The following FAAH2 variants were observed in gnomAD, a reference collection of about 807,000 sequenced individuals.
FAAH2 encodes the protein fatty acid amide hydrolase 2.
In FAAH2, 60 loss-of-function variants were observed where a neutral mutation model predicts 36.9. The ratio of observed to expected loss-of-function variants is 1.63; its 90% CI spans 1.32 to 2.02. FAAH2 has a LOEUF of 2.02. Ranked by LOEUF, FAAH2 falls within the 30% of genes most tolerant of loss-of-function variation. The pLI is 0.00. For synonymous variants in FAAH2, 214 were observed against 143.8 expected, an observed-to-expected ratio of 1.49 and a Z score of -3.49; for missense variants, 689 against 397.5, an observed-to-expected ratio of 1.73 and a Z score of -6.23.
At chrX:57,125,855 G>T in the FAAH2 span, among the ~76,000 whole-genome samples, 8 of 111,721 alleles carry the variant, frequency 7.2e-5, no homozygotes, top group South Asian at 3.0e-3. Context: ...TCATACCTCA[G>T]TAGTGGTTTG....
At chrX:57,440,501 G>A (rs1437683762) in intron 8 of FAAH2, among the ~76,000 whole-genome samples, 3 of 111,520 alleles carry the variant, frequency 2.7e-5, no homozygotes, top group Non-Finnish European at 5.6e-5. Context: ...GAGATTTTGG[G>A]CTGATAGGAT....
At chrX:57,441,368 G>C (rs910965231) in intron 8 of FAAH2, among the ~76,000 whole-genome samples, 1 of 111,390 alleles carries the variant, frequency 9.0e-6, no homozygotes, top group Non-Finnish European at 1.9e-5. Flanking sequence ...GTTTCTTCTA[G>C]ATTTTCTAGT....
intron 1 of FAAH2, among the ~76,000 whole-genome samples, chrX:57,291,272 T>C (rs2516025): frequency 0.077 from 8,575 of 111,974 alleles, 812 homozygotes; most frequent in African/African-American, 0.27. Flanking sequence ...ATGCTTCATG[T>C]ATTTGCCAGC....
chrX:57,284,294 A>G (rs1346656548), upstream of FAAH2, among the ~76,000 whole-genome samples: 1 of 111,439 alleles, frequency 9.0e-6, no homozygotes, highest in Non-Finnish European at 1.9e-5. Flanking sequence ...GAATCACTTG[A>G]ACCCGGGAGG....
In FAAH2 at chrX:57,331,876, A is replaced by C. The variant is rs922803143; in HGVS notation, c.622+69A>C. The C allele has an allele frequency of 2.9e-6, 3 of 1,022,836 alleles. No individual in the cohort carries two copies. The East Asian group carries it at 9.2e-5, about 31-fold the overall frequency. The allele number at this position is 1,022,836 out of a possible 1,213,427, so 84.3% of individuals were successfully genotyped here. A position where few individuals can be genotyped will look rare whatever the true frequency, so the allele number is the denominator to read the frequency against. On this transcript the variant is annotated intron_variant, in intron 4 of 10. Coordinates refer to ENST00000374900, the MANE Select transcript of FAAH2 (RefSeq NM_174912.4). Reference sequence around the variant, plus strand: ...ATAATAATTATGAATTGTATTAATAAACATGATACAGTATAGCATCTATGA... The same window carrying C: ...ATAATAATTATGAATTGTATTAATACACATGATACAGTATAGCATCTATGA...
At chrX:57,402,160 C>T (rs971555707) in intron 7 of FAAH2, among the ~76,000 whole-genome samples, 1 of 112,087 alleles carries the variant, frequency 8.9e-6, no homozygotes, top group Non-Finnish European at 1.9e-5. Context: ...CACCCTCAGT[C>T]CTGCTGCTGG....
At chrX:57,391,771 T>G (rs1305651904) in intron 7 of FAAH2, among the ~76,000 whole-genome samples, 1 of 111,266 alleles carries the variant, frequency 9.0e-6, no homozygotes. Context: ...GCCTCTTTTT[T>G]CTTTTTATGA....
chrX:57,348,635 C>T (rs1273748150), intron 5 of FAAH2, among the ~76,000 whole-genome samples: 1 of 111,076 alleles, frequency 9.0e-6, no homozygotes, highest in Non-Finnish European at 1.9e-5. Flanking sequence ...CTAAAGCCTT[C>T]ACTAACAAGC....
At chrX:57,435,491 G>A (rs1419708692) in intron 8 of FAAH2, among the ~76,000 whole-genome samples, 1 of 110,079 alleles carries the variant, frequency 9.1e-6, no homozygotes, top group Admixed American at 9.8e-5. Flanking sequence ...TGAGAGAAAA[G>A]GGTTGAAAAA....
In FAAH2 at chrX:57,310,608, G is replaced by A; in HGVS notation, c.291G>A (p.Met97Ile). ...TTCTTCTTAGGTTTGAGGAAGCGAT[G>A]AAGGAGGCTCATGCTGTAGATCAAA... The part of the protein sequence containing the change: ...GIVKYRFEEA[M>I]KEAHAVDQKL... Residue 97 changes from methionine (M) to isoleucine (I), a missense_variant, in exon 3 of 11, where the codon ATG becomes ATA. Physicochemically the swap from Met to Ile is conservative, Grantham distance 10. Transcript: ENST00000374900. 1 of 1,204,862 alleles carries A rather than the reference G, an allele frequency of 8.3e-7. No homozygotes were observed.
intron 7 of FAAH2, among the ~76,000 whole-genome samples, chrX:57,412,636 G>T (rs188129358): frequency 8.9e-6 from 1 of 112,051 alleles, no homozygotes; most frequent in African/African-American, 3.2e-5. Flanking sequence ...ATGGGTATTT[G>T]CCTTGGTTCC....
At chrX:57,245,081 C>T in the FAAH2 span, among the ~76,000 whole-genome samples, 2 of 111,066 alleles carry the variant, frequency 1.8e-5, no homozygotes, top group African/African-American at 6.5e-5. Context: ...CATTGCAATC[C>T]TAGTCGCTGA....
At chrX:57,269,944 T>TA in the FAAH2 span, among the ~76,000 whole-genome samples, 2 of 110,241 alleles carry the variant, frequency 1.8e-5, no homozygotes, top group Admixed American at 1.9e-4. Context: ...GAGCTGCTTT[T>TA]AAAAAAATAA....
chrX:57,418,621 C>T (rs2055911834), intron 7 of FAAH2, among the ~76,000 whole-genome samples: 1 of 110,988 alleles, frequency 9.0e-6, no homozygotes, highest in Non-Finnish European at 1.9e-5. Flanking sequence ...GCAGAAATCA[C>T]CCACCTTCTG....
At chrX:57,282,859 T>C (rs1198020477), upstream of FAAH2, among the ~76,000 whole-genome samples, 3 of 112,168 alleles carry the variant, frequency 2.7e-5, no homozygotes, top group Admixed American at 9.5e-5. Context: ...AGAAGTGCTG[T>C]CTGTAGACCT....
chrX:57,371,754 G>T (rs2054557661), intron 5 of FAAH2, among the ~76,000 whole-genome samples: 1 of 110,952 alleles, frequency 9.0e-6, no homozygotes, highest in South Asian at 3.8e-4. Flanking sequence ...TGTTACCCAG[G>T]TAGTGAGCAT....
upstream of FAAH2, among the ~76,000 whole-genome samples, chrX:57,285,035 C>G (rs888913601): frequency 5.3e-5 from 6 of 112,375 alleles, no homozygotes; most frequent in South Asian, 1.5e-3. Flanking sequence ...TTCATTTTGA[C>G]AAAACCTTTC....
At chrX:57,483,700 C>T (rs190903389) in intron 10 of FAAH2, among the ~76,000 whole-genome samples, 1 of 108,866 alleles carries the variant, frequency 9.2e-6, no homozygotes, top group Non-Finnish European at 1.9e-5. Flanking sequence ...TTTTCTTCCT[C>T]CCTCCTGAGA....
intron 7 of FAAH2, among the ~76,000 whole-genome samples, chrX:57,385,781 G>A (rs1321435301): frequency 6.3e-5 from 7 of 110,656 alleles, no homozygotes; most frequent in African/African-American, 9.9e-5. Context: ...GGTGGCGGGC[G>A]CCTGTAGTCC....
Sources: allele counts gnomAD v4.1 joint callset (sites outside exome capture counted in the v4.1 genomes callset), GRCh38; gene constraint gnomAD v4.1.1; transcripts MANE v1.5; gene names NCBI Gene and HGNC (gene_info 2026-07-23, HGNC 2026-07-21).